Variants in TNXB observed in about 807,000 individuals in gnomAD.
TNXB encodes the protein tenascin XB, also known as tenascin-X.
A neutral mutation model predicts 340.5 loss-of-function variants in TNXB; 183 were observed. The observed-to-expected ratio is 0.54, with a 90% confidence interval of 0.48 to 0.61. The LOEUF is 0.61. Among genes scored for constraint, TNXB ranks in the 20% least tolerant of loss-of-function variants. TNXB has a pLI of 0.00. For synonymous variants in TNXB, 2,121 were observed against 2,314.5 expected (o/e 0.92, Z 2.40); for missense variants, 4,613 against 5,446.4 (o/e 0.85, Z 4.82).
rs1470803069 is a variant in TNXB at position 32,053,640 on chromosome 6, G to A, written c.8539C>T (p.Leu2847Phe). Residue 2847 changes from leucine to phenylalanine, a missense_variant, in exon 25 of 44, where the codon CTC becomes TTC. Leu to Phe is a conservative substitution (Grantham distance 22, BLOSUM62 0). Around this residue, in one of 7 missense-constraint regions of TNXB, gnomAD observed 4,327 missense variants for 4,859.4 expected, o/e 0.89. Coordinates refer to ENST00000644971, the MANE Select transcript of TNXB (RefSeq NM_001365276.2). ...GCATCTGTCACGGTCAGCTCCCCGA[G>A]GCGAGGCTTGTTGGGGGGCTCAGGG... Reference protein sequence around the residue: ...TTPEPPNKPRLGELTVTDATP... With the variant: ...TTPEPPNKPRFGELTVTDATP... The A allele has an allele frequency of 6.2e-7, 1 of 1,613,350 alleles. No individual in the cohort carries two copies.
At position 32,047,459 on chromosome 6, in the gene TNXB, A is replaced by G. The variant is rs1056024727; in HGVS notation, c.10324+275T>C. ...GTCCCGGGGATGAAGCGGCTTGTCCATGGTCACCCTGGCAAAGGCTAGGAC... is the reference window on the plus strand; with the variant it reads ...GTCCCGGGGATGAAGCGGCTTGTCCGTGGTCACCCTGGCAAAGGCTAGGAC... On this transcript the variant is annotated intron_variant, in intron 30 of 43. Transcript: ENST00000644971. This position sits in a 1 kb window ranked among gnomAD's most constrained non-coding sequence, Gnocchi z 6.2. Among the ~76,000 whole-genome samples, 3 of 152,210 alleles carry G rather than the reference A, an allele frequency of 2.0e-5. No homozygotes were observed. The highest frequency in any genetic ancestry group is 6.5e-5 in the Admixed American group (1 of 15,284).
In TNXB at chr6:32,097,853, C is replaced by G; in HGVS notation, c.346G>C (p.Gly116Arg). The G allele has an allele frequency of 6.5e-7, 1 of 1,538,130 alleles. No individual in the cohort carries two copies. Among genetic ancestry groups the G allele is most frequent in the Non-Finnish European group, 8.8e-7 (1 of 1,137,210 alleles). Reference protein sequence around the residue: ...RLEILEELVKGLKEQCTGGCC... With the variant: ...RLEILEELVKRLKEQCTGGCC... The stretch of plus-strand genomic sequence containing the variant: ...CCCCCAGTGCACTGTTCCTTGAGCC[C>G]CTTCACCAACTCCTCCAGGATCTCT... The change falls in exon 2 of 44, where the codon GGG (glycine) becomes CGG (arginine). Residue 116 changes from glycine (G) to arginine (R), a missense_variant. By Grantham distance (125) the Gly-to-Arg change is moderately radical. Around this residue, in one of 7 missense-constraint regions of TNXB, gnomAD observed 4,327 missense variants for 4,859.4 expected, o/e 0.89. Coordinates refer to ENST00000644971, the MANE Select transcript of TNXB (RefSeq NM_001365276.2). The surrounding 1 kb of genome is among the most constrained non-coding windows in gnomAD (Gnocchi z 5.9).
Position 32,061,653 on chromosome 6 carries a change from C to A in TNXB, c.7236G>T (p.Pro2412=), listed in dbSNP as rs761759951. ...CTGTCACTGTTAGCTCCCCCAGGAG[C>A]GGCTCCTCAGGGGGCTCCGGGGCCT... The part of the protein sequence containing the change: ...SMEAPEPPEE[P]LLGELTVTGS... Residue 2412 remains proline, a synonymous_variant, in exon 21 of 44, where the codon CCG becomes CCT. Transcript: ENST00000644971. This position sits in a 1 kb window ranked among gnomAD's most constrained non-coding sequence, Gnocchi z 4.4. 1.2e-6 allele frequency: 2 copies of A among 1,612,666 alleles called. No individual in the cohort carries two copies. The highest frequency in any genetic ancestry group is 1.7e-6 in the Non-Finnish European group (2 of 1,179,816).
Position 32,098,107 on chromosome 6 carries a change from T to C in TNXB, c.92A>G (p.Asn31Ser), listed in dbSNP as rs759483542. ...GGGCCGGGGGGCTGGCAGTGTCACA[T>C]TGGACCGTGAAGAGAAGGGGCCTGC... is the stretch of plus-strand genomic sequence containing the variant. ...ARAGPFSSRS[N>S]VTLPAPRPPP... The change falls in exon 2 of 44, where the codon AAT (asparagine) becomes AGT (serine). Residue 31 changes from asparagine to serine, a missense_variant. Physicochemically the swap from Asn to Ser is conservative, Grantham distance 46. Coordinates refer to ENST00000644971, the MANE Select transcript of TNXB (RefSeq NM_001365276.2). 1.3e-5 allele frequency: 21 copies of C among 1,602,552 alleles called. No homozygotes were observed. Among genetic ancestry groups the C allele is most frequent in the African/African-American group, 4.0e-5 (3 of 74,814 alleles).
chr6:32,048,736 T>G, intron 28 of TNXB, 86 bp from the exon 29 acceptor site: 2 of 1,275,910 alleles, frequency 1.6e-6, no homozygotes. Context: ...GAGTGAGCAT[T>G]TCTTAGCGGC....
At position 32,042,543 on chromosome 6, in the gene TNXB, G is replaced by C. The variant is rs1225441714; in HGVS notation, c.12122C>G (p.Ser4041Cys). 6.2e-7 allele frequency: 1 copy of C among 1,611,426 alleles called. No homozygotes were observed. ...GTTGAGGAAGATGGTGCTGGTCCTG[G>C]AGGCACCGGCTCCGTTCTGCATCTC... is the stretch of plus-strand genomic sequence containing the variant. ...GEEMQNGAGA[S>C]RTSTIFLNGN... The change falls in exon 40 of 44, where the codon TCC becomes TGC. Residue 4041 changes from serine to cysteine, a missense_variant. By Grantham distance (112) the Ser-to-Cys change is moderately radical. Transcript: ENST00000644971.
Position 32,098,207 on chromosome 6 carries a change from C to A in TNXB, c.-8-1G>T. 6.7e-7 allele frequency: 1 copy of A among 1,490,794 alleles called. No individual in the cohort carries two copies. 92.3% of individuals were successfully genotyped at this position (1,490,794 alleles called of 1,614,324 possible). ...TACTGGGCTGGCATCATTCAGGAGG[C>A]TGCAGGGAGAAAGGGTAGGTATGAG... is the stretch of plus-strand genomic sequence containing the variant. On this transcript the variant is annotated splice_acceptor_variant, in intron 1 of 43. Transcript: ENST00000644971. LOFTEE classifies it low-confidence loss of function (5UTR_SPLICE).
At position 32,081,360 on chromosome 6, in the gene TNXB, T is replaced by C. The variant is rs761401384; in HGVS notation, c.4042+8A>G. The C allele has an allele frequency of 1.6e-5, 25 of 1,528,094 alleles. No individual in the cohort carries two copies. The highest frequency in any genetic ancestry group is 4.1e-5 in the African/African-American group (3 of 72,704). The allele number at this position is 1,528,094 out of a possible 1,614,324, so 94.7% of individuals were successfully genotyped here. ...GCAGGGGAGGGAGGCCTGGCAGCCA[T>C]GACTCACCAGTCTTGGCCACCACAG... On this transcript the variant is annotated splice_region_variant and intron_variant, in intron 10 of 43. Transcript: ENST00000644971. This position sits in a 1 kb window ranked among gnomAD's most constrained non-coding sequence, Gnocchi z 5.1.
rs9469081 is a variant in TNXB at position 32,067,826 on chromosome 6, C to T, written c.6379G>A (p.Val2127Met). Residue 2127 changes from valine to methionine, a missense_variant, in exon 18 of 44, where the codon GTG (valine) becomes ATG (methionine). Coordinates refer to ENST00000644971, the MANE Select transcript of TNXB (RefSeq NM_001365276.2). The surrounding 1 kb of genome is among the most constrained non-coding windows in gnomAD (Gnocchi z 4.2). ...CGCCCGTCCCTGTCCTTGTACTGCA[C>T]GGTGAAGGAGTCGAAGCGGCCCTGG... The part of the protein sequence containing the change: ...VPQGRFDSFT[V>M]QYKDRDGRPQ... 0.11 allele frequency: 185,037 copies of T among 1,613,126 alleles called. 15,033 individuals carry two copies. The highest frequency in any genetic ancestry group is 0.34 in the South Asian group (30,997 of 91,058).
At position 32,095,641 on chromosome 6, in the gene TNXB, C is replaced by T. The variant is rs1197572454; in HGVS notation, c.2212G>A (p.Asp738Asn). 1 of 1,613,732 alleles carries T rather than the reference C, an allele frequency of 6.2e-7. No individual in the cohort carries two copies. The highest frequency in any genetic ancestry group is 1.3e-5 in the African/African-American group (1 of 74,948). Residue 738 changes from aspartate to asparagine, a missense_variant, in exon 3 of 44, where the codon GAT becomes AAT. By Grantham distance (23) the Asp-to-Asn change is conservative (BLOSUM62 1). Around this residue, in one of 7 missense-constraint regions of TNXB, gnomAD observed 4,327 missense variants for 4,859.4 expected, o/e 0.89. Coordinates refer to ENST00000644971, the MANE Select transcript of TNXB (RefSeq NM_001365276.2). ...CCGCAGTCTTCGCCAGCATACCCATCTTTGCAGACACAGCTGCCATCGTGA... is the reference window on the plus strand; with the variant it reads ...CCGCAGTCTTCGCCAGCATACCCATTTTTGCAGACACAGCTGCCATCGTGA... Reference protein sequence around the residue: ...ECHDGSCVCKDGYAGEDCGEE... With the variant: ...ECHDGSCVCKNGYAGEDCGEE...
At position 32,058,173 on chromosome 6, in the gene TNXB, G is replaced by T. The variant is rs1399669650; in HGVS notation, c.7710C>A (p.Gly2570=). ...DGRPQAVRVG[G]QESKVTVRGL... The stretch of plus-strand genomic sequence containing the variant: ...CCCTCACAGTGACCTTGCTCTCCTG[G>T]CCCCCAACACGCACCGCCTGGGGCC... Residue 2570 remains glycine, a synonymous_variant, in exon 22 of 44, where the codon GGC becomes GGA. Coordinates refer to ENST00000644971, the MANE Select transcript of TNXB (RefSeq NM_001365276.2). The surrounding 1 kb of genome is among the most constrained non-coding windows in gnomAD (Gnocchi z 5.1). The T allele has an allele frequency of 6.2e-7, 1 of 1,612,394 alleles. No individual in the cohort carries two copies. The highest frequency in any genetic ancestry group is 1.7e-5 in the Admixed American group (1 of 59,988).
rs1776979488 is a variant in TNXB, at chr6:32,047,703, T to C, written c.10324+31A>G. ...TGAGGGCTCGGATGAGAGGCAGCTC[T>C]GGAAAAGGTGGAGGCTGGACTGGGA... On this transcript the variant is annotated intron_variant, in intron 30 of 43. Transcript: ENST00000644971. This position sits in a 1 kb window ranked among gnomAD's most constrained non-coding sequence, Gnocchi z 6.2. 3 of 1,554,780 alleles carry C rather than the reference T, an allele frequency of 1.9e-6. No individual in the cohort carries two copies. Among genetic ancestry groups the C allele is most frequent in the Non-Finnish European group, 2.6e-6 (3 of 1,148,754 alleles).
Position 32,069,643 on chromosome 6 carries a change from C to A in TNXB, c.5497G>T (p.Gly1833Cys). 1 of 1,612,876 alleles carries A rather than the reference C, an allele frequency of 6.2e-7. No individual in the cohort carries two copies. ...EGSLREVSVP[G>C]LDPAHRYKLL... ...TTGTACCTGTGGGCAGGGTCCAGGC[C>A]CGGCACGCTGACCTCCCTGAGGCTG... The change falls in exon 15 of 44, where the codon GGC becomes TGC. Residue 1833 changes from glycine to cysteine, a missense_variant. Around this residue, in one of 7 missense-constraint regions of TNXB, gnomAD observed 4,327 missense variants for 4,859.4 expected, o/e 0.89. Transcript: ENST00000644971. The surrounding 1 kb of genome is among the most constrained non-coding windows in gnomAD (Gnocchi z 6.2).
rs541401850 is a variant in TNXB, at chr6:32,072,371, G to C, written c.4682-73C>G. On this transcript the variant is annotated intron_variant, in intron 12 of 43. Transcript: ENST00000644971. This position sits in a 1 kb window ranked among gnomAD's most constrained non-coding sequence, Gnocchi z 4.4. The stretch of plus-strand genomic sequence containing the variant: ...AACCCCTGGGCTTTGAGGGCCTCAG[G>C]GGGGCTGTGAACTGAGATGGGGAAT... 213 of 1,338,874 alleles carry C rather than the reference G, an allele frequency of 1.6e-4. 1 individual carries two copies. The highest frequency in any genetic ancestry group is 1.8e-4 in the Non-Finnish European group (182 of 996,800). The allele number at this position is 1,338,874 out of a possible 1,614,324, so 82.9% of individuals were successfully genotyped here.
At position 32,086,135 on chromosome 6, in the gene TNXB, T is replaced by G. The variant is rs1241334823; in HGVS notation, c.2780-17A>C. 2.7e-6 allele frequency: 4 copies of G among 1,476,624 alleles called. No homozygotes were observed. Among genetic ancestry groups the G allele is most frequent in the African/African-American group, 2.8e-5 (2 of 70,382 alleles). 91.5% of individuals were successfully genotyped at this position (1,476,624 alleles called of 1,614,324 possible). A position where few individuals can be genotyped will look rare whatever the true frequency, so the allele number is the denominator to read the frequency against. On this transcript the variant is annotated splice_polypyrimidine_tract_variant and intron_variant, in intron 6 of 43. Coordinates refer to ENST00000644971, the MANE Select transcript of TNXB (RefSeq NM_001365276.2). ...GTGAGGACCCTGGGAAGGGGCAGGG[T>G]GAGAAAAAGAGGAGAGTCCAGTATG... is the stretch of plus-strand genomic sequence containing the variant.
chr6:32,061,731 G>A lies in TNXB; in HGVS notation c.7169-11C>T, dbSNP rs1260623242. On this transcript the variant is annotated splice_polypyrimidine_tract_variant and intron_variant, in intron 20 of 43. Coordinates refer to ENST00000644971, the MANE Select transcript of TNXB (RefSeq NM_001365276.2). The surrounding 1 kb of genome is among the most constrained non-coding windows in gnomAD (Gnocchi z 4.4). ...TCTCTTCCTCTGCAGCTGAGAAAAA[G>A]GGACACAGAGAGGATGGCAGGGTCC... 2 of 1,607,804 alleles carry A rather than the reference G, an allele frequency of 1.2e-6. No homozygotes were observed. The highest frequency in any genetic ancestry group is 1.7e-6 in the Non-Finnish European group (2 of 1,176,326).
Position 32,082,290 on chromosome 6 carries a change from T to C in TNXB, c.3482A>G (p.His1161Arg), listed in dbSNP as rs185819. The C allele has an allele frequency of 0.52, 824,497 of 1,600,200 alleles. 218,831 individuals are homozygous for C. The highest frequency in any genetic ancestry group is 0.74 in the South Asian group (66,581 of 89,908). ...QSDPSPGTPP[H>R]LGNLWVTDPT... is the part of the protein sequence containing the mutation. The stretch of plus-strand genomic sequence containing the variant: ...GTCTGTCACCCACAGGTTTCCCAGG[T>C]GGGGTGGAGTCCCTGGACTTGGGTC... The change falls in exon 9 of 44, where the codon CAC becomes CGC. Residue 1161 changes from histidine to arginine, a missense_variant. Around this residue, in one of 7 missense-constraint regions of TNXB, gnomAD observed 4,327 missense variants for 4,859.4 expected, o/e 0.89. Coordinates refer to ENST00000644971, the MANE Select transcript of TNXB (RefSeq NM_001365276.2). This position sits in a 1 kb window ranked among gnomAD's most constrained non-coding sequence, Gnocchi z 5.0.
intron 1 of TNXB, among the ~76,000 whole-genome samples, chr6:32,100,191 G>A (rs1038445511): frequency 6.6e-6 from 1 of 150,568 alleles, no homozygotes; most frequent in South Asian, 2.1e-4. Context: ...TGCAACCTCC[G>A]TCTCCCAGGT....
Position 32,047,810 on chromosome 6 carries a change from A to G in TNXB, c.10248T>C (p.Ser3416=). The G allele has an allele frequency of 1.9e-6, 3 of 1,610,932 alleles. No individual in the cohort carries two copies. The highest frequency in any genetic ancestry group is 2.5e-6 in the Non-Finnish European group (3 of 1,179,158). ...CATAGAGCAGGAACCTGTATTTCCT[A>G]CTGGGCTCCAGGCCCTGGACTGTGA... The part of the protein sequence containing the change: ...REVTVQGLEP[S]RKYRFLLYGL... The change falls in exon 30 of 44, where the codon AGT becomes AGC. Residue 3416 remains serine, a synonymous_variant. Transcript: ENST00000644971. This position sits in a 1 kb window ranked among gnomAD's most constrained non-coding sequence, Gnocchi z 6.2.
Sources: gnomAD v4.1 joint callset for allele counts (sites outside exome capture counted in the v4.1 genomes callset) on GRCh38, gnomAD v4.1.1 for gene constraint, gnomAD v4.1.1 regional missense constraint, Gnocchi (gnomAD v3.1) non-coding constraint, MANE v1.5 for transcripts, NCBI Gene and HGNC (gene_info 2026-07-23, HGNC 2026-07-21) for gene names.